The following PRKACA variants were observed in gnomAD, a reference collection of about 807,000 sequenced individuals.
PRKACA encodes protein kinase cAMP-activated catalytic subunit alpha.
In PRKACA, 9 loss-of-function variants were observed where a neutral mutation model predicts 45.8. The ratio of observed to expected loss-of-function variants is 0.20; its 90% CI spans 0.12 to 0.34. The LOEUF (loss-of-function observed/expected upper bound fraction) is 0.34, where lower values mean the gene tolerates loss of function less well. Among genes scored for constraint, PRKACA ranks in the 10% least tolerant of loss-of-function variants. The pLI is 1.00. For missense variants in PRKACA, 238 were observed against 458.6 expected (o/e 0.52, Z 4.39); for synonymous variants, 160 against 178.6 (o/e 0.90, Z 0.83).
At chr19:14,101,798 T>G (rs1334860480) in intron 4 of PRKACA, among the ~76,000 whole-genome samples, 1 of 144,160 alleles carries the variant, frequency 6.9e-6, no homozygotes, top group African/African-American at 2.6e-5. Context: ...GAGTCAGAGG[T>G]TGTGGTGAGC....
chr19:14,106,633 G>A (rs1384720665), intron 3 of PRKACA, 127 bp downstream of exon 3: 130 of 1,335,126 alleles, frequency 9.7e-5, no homozygotes, highest in Non-Finnish European at 8.5e-5. Context: ...CAGCCTGAGC[G>A]ACAGAGCGAG....
In PRKACA at chr19:14,092,529, G is replaced by C. The variant is rs771557895; in HGVS notation, c.*583C>G. On this transcript the variant is annotated 3_prime_UTR_variant, in exon 10 of 10. Coordinates refer to ENST00000308677, the MANE Select transcript of PRKACA (RefSeq NM_002730.4). ...GAGGGGTGGGAGTAGAGGAAGGAGGGAGGGAGGCACTGGTGGAACTTAAAT... is the reference window on the plus strand; with the variant it reads ...GAGGGGTGGGAGTAGAGGAAGGAGGCAGGGAGGCACTGGTGGAACTTAAAT... The C allele has an allele frequency of 2.5e-6, 1 of 398,250 alleles. No homozygotes were observed. Among genetic ancestry groups the C allele is most frequent in the Non-Finnish European group, 4.4e-6 (1 of 225,806 alleles). 24.7% of individuals were successfully genotyped at this position (398,250 alleles called of 1,614,324 possible).
chr19:14,103,194 A>G (rs1489200737), intron 3 of PRKACA, among the ~76,000 whole-genome samples: 4 of 152,098 alleles, frequency 2.6e-5, no homozygotes, highest in African/African-American at 4.8e-5. Context: ...GGGGTTGTGG[A>G]GAAGCAGCCC....
intron 1 of PRKACA, chr19:14,114,274 G>A (rs1026188775): frequency 5.0e-6 from 7 of 1,410,784 alleles, no homozygotes; most frequent in East Asian, 2.5e-5. Context: ...CTAGGGAGCC[G>A]TGGGGTGGGA....
At chr19:14,093,843 A>G (rs1032364114) in intron 8 of PRKACA, 51 bp from the exon 9 acceptor site, 3 of 1,547,406 alleles carry the variant, frequency 1.9e-6, no homozygotes, top group Non-Finnish European at 2.6e-6. Flanking sequence ...GGAACTTGGG[A>G]AGCCCATGAT....
chr19:14,109,997 T>TACACACAC (rs1381189319), intron 1 of PRKACA, among the ~76,000 whole-genome samples: 1 of 71,738 alleles, frequency 1.4e-5, no homozygotes, highest in African/African-American at 7.6e-5. Flanking sequence ...TATATATATA[T>TACACACAC]ATACACACAC....
At chr19:14,096,230 G>A (rs1303068711) in intron 8 of PRKACA, 1 of 151,630 alleles carries the variant, frequency 6.6e-6, no homozygotes, top group Non-Finnish European at 1.5e-5. Context: ...GTTTTTAGTA[G>A]AGACGGAGTT....
Position 14,093,492 on chromosome 19 carries a change from A to G in PRKACA, c.930+136T>C, listed in dbSNP as rs897395105. ...CAAATGACCCCAGAATCCCATTTCT[A>G]GACCCCACTGCTCTAAGCTCTCTAC... is the stretch of plus-strand genomic sequence containing the variant. On this transcript the variant is annotated intron_variant, in intron 9 of 9. Transcript: ENST00000308677. 14 of 1,219,186 alleles carry G rather than the reference A, an allele frequency of 1.1e-5. No homozygotes were observed. In the African/African-American group the frequency reaches 2.0e-4, roughly 17 times the overall value. The allele number at this position is 1,219,186 out of a possible 1,614,324, so 75.5% of individuals were successfully genotyped here.
At chr19:14,096,978 G>A (rs1977277406) in intron 8 of PRKACA, 3 of 342,614 alleles carry the variant, frequency 8.8e-6, no homozygotes, top group African/African-American at 2.1e-5. Context: ...TCCTGGGTGA[G>A]GCTATGGACA....
At chr19:14,109,535 T>G (rs372418125) in intron 1 of PRKACA, among the ~76,000 whole-genome samples, 122 of 151,940 alleles carry the variant, frequency 8.0e-4, no homozygotes, top group East Asian at 3.9e-3. Context: ...GGAGAATTGC[T>G]TGAATCCGGG....
At position 14,106,751 on chromosome 19, in the gene PRKACA, C is replaced by A. The variant is rs1397693545; in HGVS notation, c.237+9G>T. 1 of 1,614,018 alleles carries A rather than the reference C, an allele frequency of 6.2e-7. No individual in the cohort carries two copies. The highest frequency in any genetic ancestry group is 8.5e-7 in the Non-Finnish European group (1 of 1,179,902). Reference sequence around the variant, plus strand: ...CAGGCAGGCCCTGAGCGAGGACAGGCCACCTCACCTTCTGTTTGTCGAGGA... The same window carrying A: ...CAGGCAGGCCCTGAGCGAGGACAGGACACCTCACCTTCTGTTTGTCGAGGA... On this transcript the variant is annotated intron_variant, in intron 3 of 9. Transcript: ENST00000308677.
At chr19:14,103,887 G>A (rs890662973) in intron 3 of PRKACA, among the ~76,000 whole-genome samples, 1 of 151,320 alleles carries the variant, frequency 6.6e-6, no homozygotes, top group African/African-American at 2.4e-5. Context: ...GCAATGTAGC[G>A]AGACCCCATC....
intron 8 of PRKACA, among the ~76,000 whole-genome samples, chr19:14,095,675 G>A (rs761518888): frequency 5.1e-4 from 77 of 149,736 alleles, no homozygotes; most frequent in Non-Finnish European, 9.3e-4. Context: ...CCGCCACCAC[G>A]CCCAGCTAAT....
chr19:14,097,517 G>A lies in PRKACA; in HGVS notation c.643-34C>T, dbSNP rs1203066652. On this transcript the variant is annotated intron_variant, in intron 7 of 9. Coordinates refer to ENST00000308677, the MANE Select transcript of PRKACA (RefSeq NM_002730.4). This position sits in a 1 kb window ranked among gnomAD's most constrained non-coding sequence, Gnocchi z 5.4. Reference sequence around the variant, plus strand: ...AGATGGGGGGGCACAGGGTGAGGAGGAGGCGAGAGCAGGAGAGCAGAGCCG... The same window carrying A: ...AGATGGGGGGGCACAGGGTGAGGAGAAGGCGAGAGCAGGAGAGCAGAGCCG... 1 of 1,613,960 alleles carries A rather than the reference G, an allele frequency of 6.2e-7. No homozygotes were observed. Among genetic ancestry groups the A allele is most frequent in the Non-Finnish European group, 8.5e-7 (1 of 1,179,896 alleles).
At chr19:14,093,895 CA>C in intron 8 of PRKACA, 103 bp from the exon 9 acceptor site, 1 of 1,238,798 alleles carries the variant, frequency 8.1e-7, no homozygotes, top group African/African-American at 1.5e-5. Context: ...TGTGGGCCTC[CA>C]AAGCAGAGTG....
Position 14,097,190 on chromosome 19 carries a change from G to A in PRKACA, c.765+171C>T. ...CGGGGTTGGGGCTGGACAGCAAGGG[G>A]GCTTGAGGTGTTGGCCTCAGTGTGG... On this transcript the variant is annotated intron_variant, in intron 8 of 9. Coordinates refer to ENST00000308677, the MANE Select transcript of PRKACA (RefSeq NM_002730.4). The surrounding 1 kb of genome is among the most constrained non-coding windows in gnomAD (Gnocchi z 5.4). 1 of 993,574 alleles carries A rather than the reference G, an allele frequency of 1.0e-6. No individual in the cohort carries two copies. Among genetic ancestry groups the A allele is most frequent in the Non-Finnish European group, 1.5e-6 (1 of 664,474 alleles). 61.5% of individuals were successfully genotyped at this position (993,574 alleles called of 1,614,324 possible).
In PRKACA at chr19:14,103,848, T is replaced by C. The variant is rs1977518168; in HGVS notation, c.238-934A>G. Reference sequence around the variant, plus strand: ...TGGGAGGCCCAGGCAGGTAAATCGCTTGAGCCCAGGAGTTTGAGACTAGCC... The same window carrying C: ...TGGGAGGCCCAGGCAGGTAAATCGCCTGAGCCCAGGAGTTTGAGACTAGCC... On this transcript the variant is annotated intron_variant, in intron 3 of 9. Coordinates refer to ENST00000308677, the MANE Select transcript of PRKACA (RefSeq NM_002730.4). Among the ~76,000 whole-genome samples, 3 of 147,392 alleles carry C rather than the reference T, an allele frequency of 2.0e-5. 1 individual carries two copies. Among genetic ancestry groups the C allele is most frequent in the Non-Finnish European group, 1.5e-5 (1 of 66,766 alleles).
Position 14,097,781 on chromosome 19 carries a change from G to T in PRKACA, c.529C>A (p.Gln177Lys). ...DLKPENLLID[Q>K]QGYIQVTDFG... Reference sequence around the variant, plus strand: ...GTGGGCACCTGAATGTAGCCCTGCTGGTCAATGAGCAGATTCTCCGGCTTC... The same window carrying T: ...GTGGGCACCTGAATGTAGCCCTGCTTGTCAATGAGCAGATTCTCCGGCTTC... Residue 177 changes from glutamine to lysine, a missense_variant, in exon 6 of 10, where the codon CAG (glutamine) becomes AAG (lysine). By Grantham distance (53) the Gln-to-Lys change is moderately conservative. Around this residue, in one of 3 missense-constraint regions of PRKACA, gnomAD observed 94 missense variants for 240.9 expected, o/e 0.39. Transcript: ENST00000308677. This position sits in a 1 kb window ranked among gnomAD's most constrained non-coding sequence, Gnocchi z 5.4. The T allele has an allele frequency of 6.2e-7, 1 of 1,614,178 alleles. No individual in the cohort carries two copies. Among genetic ancestry groups the T allele is most frequent in the Non-Finnish European group, 8.5e-7 (1 of 1,180,012 alleles).
chr19:14,109,308 C>T (rs1180738037), intron 1 of PRKACA, among the ~76,000 whole-genome samples: 1 of 151,586 alleles, frequency 6.6e-6, no homozygotes, highest in African/African-American at 2.4e-5. Flanking sequence ...CATGGTAAAA[C>T]CCCGTTTCTA....
Sources: gnomAD v4.1 joint callset for allele counts (sites outside exome capture counted in the v4.1 genomes callset) on GRCh38, gnomAD v4.1.1 for gene constraint, gnomAD v4.1.1 regional missense constraint, Gnocchi (gnomAD v3.1) non-coding constraint, MANE v1.5 for transcripts, NCBI Gene and HGNC (gene_info 2026-07-23, HGNC 2026-07-21) for gene names.